Variants in UNC5C observed in about 807,000 individuals in gnomAD.
The protein encoded by UNC5C is netrin receptor UNC5C.
In UNC5C, 47 loss-of-function variants were observed where a neutral mutation model predicts 99.8. The ratio of observed to expected loss-of-function variants is 0.47; its 90% CI spans 0.37 to 0.60. UNC5C has a LOEUF of 0.60. Ranked by LOEUF, UNC5C falls within the 20% of genes least tolerant of loss-of-function variation. UNC5C has a pLI of 0.00. For missense variants in UNC5C, 1,062 were observed against 1,165.9 expected (o/e 0.91, Z 1.30); for synonymous variants, 487 against 452.2 (o/e 1.08, Z -0.98).
chr4:95,279,468 A>T (rs1740975462), intron 3 of UNC5C, among the ~76,000 whole-genome samples: 1 of 152,250 alleles, frequency 6.6e-6, no homozygotes, highest in African/African-American at 2.4e-5. Context: ...TAACTAAATC[A>T]TCCCTGAATA....
intron 3 of UNC5C, among the ~76,000 whole-genome samples, chr4:95,284,364 G>A (rs1022642212): frequency 3.3e-5 from 5 of 152,150 alleles, no homozygotes; most frequent in African/African-American, 1.2e-4. Context: ...AACAGACTGA[G>A]ATTTTAAATA....
intron 1 of UNC5C, among the ~76,000 whole-genome samples, chr4:95,431,098 C>T (rs1254080509): frequency 6.6e-6 from 1 of 151,954 alleles, no homozygotes; most frequent in East Asian, 1.9e-4. Flanking sequence ...ATGTCTTCAC[C>T]CTCTCATACC....
At chr4:95,216,270 G>T (rs1292067918) in intron 9 of UNC5C, 59 bp from the exon 10 acceptor site, 19 of 1,406,268 alleles carry the variant, frequency 1.4e-5, no homozygotes, top group East Asian at 2.3e-5. Flanking sequence ...AAAAGGGAAT[G>T]AGGAGATTTT....
intron 1 of UNC5C, among the ~76,000 whole-genome samples, chr4:95,439,072 C>G (rs1746873238): frequency 6.6e-6 from 1 of 152,166 alleles, no homozygotes; most frequent in South Asian, 2.1e-4. Flanking sequence ...ATTTCAGTCT[C>G]TTTCTACCCT....
intron 7 of UNC5C, among the ~76,000 whole-genome samples, chr4:95,222,608 C>T (rs1738512414): frequency 6.6e-6 from 1 of 152,064 alleles, no homozygotes; most frequent in South Asian, 2.1e-4. Context: ...TTTTCCTTAT[C>T]CCTGCCATAT....
intron 1 of UNC5C, among the ~76,000 whole-genome samples, chr4:95,414,292 G>A (rs1329040605): frequency 6.6e-6 from 1 of 151,892 alleles, no homozygotes; most frequent in Non-Finnish European, 1.5e-5. Flanking sequence ...GAAGATGGAG[G>A]GTCATACTGA....
chr4:95,208,743 G>C (rs1037213598), intron 10 of UNC5C, among the ~76,000 whole-genome samples: 38 of 152,210 alleles, frequency 2.5e-4, no homozygotes, highest in Admixed American at 2.3e-3. Context: ...GACATTGTTT[G>C]GTTCACATCT....
intron 14 of UNC5C, among the ~76,000 whole-genome samples, chr4:95,180,923 C>T (rs986068085): frequency 2.0e-5 from 3 of 152,094 alleles, no homozygotes; most frequent in African/African-American, 7.2e-5. Context: ...CATCTTGTAC[C>T]CTTTCTTGAA....
At chr4:95,194,360 A>G (rs546674953) in intron 12 of UNC5C, among the ~76,000 whole-genome samples, 126 of 152,294 alleles carry the variant, frequency 8.3e-4, no homozygotes, top group South Asian at 6.6e-3. Context: ...TACTGTTGCC[A>G]TAAGAAATCA....
intron 14 of UNC5C, among the ~76,000 whole-genome samples, chr4:95,177,127 C>T (rs942384733): frequency 1.3e-5 from 2 of 152,204 alleles, no homozygotes; most frequent in Non-Finnish European, 1.5e-5. Flanking sequence ...CACCCACTGA[C>T]CTGCGCCCAC....
chr4:95,545,295 T>G (rs960559708), intron 1 of UNC5C, among the ~76,000 whole-genome samples: 2 of 152,234 alleles, frequency 1.3e-5, no homozygotes, highest in Admixed American at 1.3e-4. Context: ...AAGTTTATTC[T>G]TTGAAGATTT....
chr4:95,316,848 G>C (rs1219618939), intron 2 of UNC5C, among the ~76,000 whole-genome samples: 1 of 151,978 alleles, frequency 6.6e-6, no homozygotes, highest in Non-Finnish European at 1.5e-5. Flanking sequence ...TCATGTAGGA[G>C]ATCCTTTAGC....
intron 1 of UNC5C, among the ~76,000 whole-genome samples, chr4:95,533,374 C>A (rs778364232): frequency 1.1e-4 from 17 of 150,304 alleles, no homozygotes; most frequent in Non-Finnish European, 1.6e-4. Flanking sequence ...CTAGCCAGGG[C>A]AATAAGAGCA....
chr4:95,444,328 T>C (rs1747031539), intron 1 of UNC5C, among the ~76,000 whole-genome samples: 1 of 137,700 alleles, frequency 7.3e-6, no homozygotes, highest in Non-Finnish European at 1.5e-5. Flanking sequence ...CTGGAGTGCA[T>C]TGCCTTTTTT....
At chr4:95,509,167 C>T (rs991501963) in intron 1 of UNC5C, among the ~76,000 whole-genome samples, 19 of 151,760 alleles carry the variant, frequency 1.3e-4, no homozygotes, top group African/African-American at 4.6e-4. Flanking sequence ...ATTATTATCA[C>T]AATTAAAAAC....
At chr4:95,541,925 T>C (rs1722931270) in intron 1 of UNC5C, among the ~76,000 whole-genome samples, 2 of 152,164 alleles carry the variant, frequency 1.3e-5, no homozygotes, top group African/African-American at 2.4e-5. Flanking sequence ...CATGCATCAA[T>C]GAACTTGTTA....
chr4:95,459,131 G>T (rs1054380643), intron 1 of UNC5C, among the ~76,000 whole-genome samples: 2 of 152,048 alleles, frequency 1.3e-5, no homozygotes, highest in Non-Finnish European at 2.9e-5. Flanking sequence ...AAGGAACTCT[G>T]AATCCCACTG....
At chr4:95,465,346 C>T (rs544529904) in intron 1 of UNC5C, among the ~76,000 whole-genome samples, 2 of 152,252 alleles carry the variant, frequency 1.3e-5, no homozygotes, top group East Asian at 1.9e-4. Flanking sequence ...TCAAAACCAT[C>T]GTGTTGACAT....
intron 1 of UNC5C, among the ~76,000 whole-genome samples, chr4:95,489,977 A>G (rs1038652935): frequency 9.9e-5 from 15 of 151,584 alleles, no homozygotes; most frequent in Non-Finnish European, 2.1e-4. Context: ...GAGATTACCT[A>G]AGAAGGATAA....
Sources: allele counts gnomAD v4.1 joint callset (sites outside exome capture counted in the v4.1 genomes callset), GRCh38; gene constraint gnomAD v4.1.1; transcripts MANE v1.5; gene names NCBI Gene and HGNC (gene_info 2026-07-23, HGNC 2026-07-21).